USB1: variants seen among roughly 807,000 people sequenced by gnomAD.
The protein encoded by USB1 is U6 snRNA biogenesis phosphodiesterase 1.
In USB1, 21 loss-of-function variants were observed where a neutral mutation model predicts 29.9. That is an observed-to-expected ratio of 0.70 (90% CI 0.50 to 1.01). USB1 has a LOEUF of 1.01. Ranked by LOEUF, USB1 falls within the 50% of genes least tolerant of loss-of-function variation. The pLI, the probability that USB1 is intolerant of heterozygous loss-of-function variation, is 0.00. For missense variants in USB1, 330 were observed against 347.1 expected (o/e 0.95, Z 0.39); for synonymous variants, 143 against 134.9 (o/e 1.06, Z -0.42).
rs1452643875 is a variant in USB1, at chr16:58,017,324, C to G, written c.504-10C>G. ...TACATCTCATGCCTGCGTTGTCTTC[C>G]TCTCCCCAGGACCTTTATTGGGCTT... On this transcript the variant is annotated splice_polypyrimidine_tract_variant and intron_variant, in intron 4 of 6. Coordinates refer to ENST00000219281, the MANE Select transcript of USB1 (RefSeq NM_024598.4). 6.2e-7 allele frequency: 1 copy of G among 1,612,874 alleles called. No homozygotes were observed. The highest frequency in any genetic ancestry group is 2.2e-5 in the East Asian group (1 of 44,886).
Position 58,013,373 on chromosome 16 carries a change from C to G in USB1, c.450-900C>G. Reference sequence around the variant, plus strand: ...TCTCCAGAGGCAGAGAGTTGGCTGACTGACTTTTGCCCTTGGGCAGATTGT... The same window carrying G: ...TCTCCAGAGGCAGAGAGTTGGCTGAGTGACTTTTGCCCTTGGGCAGATTGT... On this transcript the variant is annotated intron_variant, in intron 3 of 6. Transcript: ENST00000219281. This position sits in a 1 kb window ranked among gnomAD's most constrained non-coding sequence, Gnocchi z 4.3. 1 of 985,512 alleles carries G rather than the reference C, an allele frequency of 1.0e-6. No individual in the cohort carries two copies. The allele number at this position is 985,512 out of a possible 1,614,324, so 61.0% of individuals were successfully genotyped here.
chr16:58,002,514 T>G lies in USB1; in HGVS notation c.134T>G (p.Val45Gly). The stretch of plus-strand genomic sequence containing the variant: ...CCCCTTCCCAGGCAGAGATTTCCAG[T>G]ACCTGACAGTGTGCTGAACATGTTC... ...QSPLPRQRFP[V>G]PDSVLNMFPG... The change falls in exon 2 of 7, where the codon GTA (valine) becomes GGA (glycine). Residue 45 changes from valine (V) to glycine (G), a missense_variant. Coordinates refer to ENST00000219281, the MANE Select transcript of USB1 (RefSeq NM_024598.4). 6.2e-7 allele frequency: 1 copy of G among 1,614,086 alleles called. No individual in the cohort carries two copies. The highest frequency in any genetic ancestry group is 8.5e-7 in the Non-Finnish European group (1 of 1,180,018).
intron 3 of USB1, chr16:58,012,620 GC>G: frequency 7.4e-7 from 1 of 1,357,058 alleles, no homozygotes; most frequent in Non-Finnish European, 9.5e-7. Context: ...AGGAATGACT[GC>G]CTGGTCTGAC....
intron 2 of USB1, among the ~76,000 whole-genome samples, 166 bp from the exon 3 acceptor site, chr16:58,009,763 A>G (rs1963446694): frequency 1.3e-5 from 2 of 151,756 alleles, no homozygotes; most frequent in South Asian, 4.1e-4. Context: ...AAATAAATAA[A>G]TGAAAATAAA....
At position 58,013,005 on chromosome 16, in the gene USB1, C is replaced by T. The variant is rs1393104797; in HGVS notation, c.450-1268C>T. 7 of 985,620 alleles carry T rather than the reference C, an allele frequency of 7.1e-6. No homozygotes were observed. The highest frequency in any genetic ancestry group is 1.2e-4 in the Admixed American group (2 of 16,286). 61.1% of individuals were successfully genotyped at this position (985,620 alleles called of 1,614,324 possible). ...AGCACCTGGACCCCTGGGCTGGTTC[C>T]CTCTGAGGAAAGGATCTGTGTCATG... On this transcript the variant is annotated intron_variant, in intron 3 of 6. Coordinates refer to ENST00000219281, the MANE Select transcript of USB1 (RefSeq NM_024598.4). This position sits in a 1 kb window ranked among gnomAD's most constrained non-coding sequence, Gnocchi z 4.3.
chr16:58,010,049 T>G lies in USB1; in HGVS notation c.386T>G (p.Leu129Arg). 1 of 1,614,190 alleles carries G rather than the reference T, an allele frequency of 6.2e-7. No individual in the cohort carries two copies. The highest frequency in any genetic ancestry group is 8.5e-7 in the Non-Finnish European group (1 of 1,180,024). ...FHLSLSQSVV[L>R]RHHWILPFVQ... Reference sequence around the variant, plus strand: ...CTCAGCCTGTCCCAGAGTGTGGTTCTGCGCCACCACTGGATCCTCCCCTTC... The same window carrying G: ...CTCAGCCTGTCCCAGAGTGTGGTTCGGCGCCACCACTGGATCCTCCCCTTC... The change falls in exon 3 of 7, where the codon CTG becomes CGG. Residue 129 changes from leucine (L) to arginine (R), a missense_variant. Physicochemically the swap from Leu to Arg is moderately radical, Grantham distance 102. Coordinates refer to ENST00000219281, the MANE Select transcript of USB1 (RefSeq NM_024598.4).
intron 4 of USB1, chr16:58,016,874 C>T (rs746064107): frequency 4.4e-5 from 9 of 203,666 alleles, no homozygotes; most frequent in East Asian, 1.1e-4. Flanking sequence ...GGGATGGGGA[C>T]GTGCTGAAAC....
chr16:57,999,614 T>C (rs1299700044), upstream of USB1: 2 of 152,274 alleles, frequency 1.3e-5, no homozygotes, highest in Admixed American at 1.3e-4. Flanking sequence ...AGTTTTCTCC[T>C]GAGCAGAGGA....
intron 3 of USB1, chr16:58,012,580 C>A (rs1369997312): frequency 9.3e-6 from 13 of 1,396,970 alleles, no homozygotes; most frequent in Non-Finnish European, 1.2e-5. Flanking sequence ...AAGACAGCCT[C>A]CCTCTCTGAT....
chr16:58,011,061 C>T, intron 3 of USB1: 2 of 796,936 alleles, frequency 2.5e-6, no homozygotes, highest in East Asian at 5.3e-5. Context: ...CAAAGATGCC[C>T]CTGTCACCCA....
At chr16:58,014,446 A>G (rs1230657511) in intron 4 of USB1, 120 bp downstream of exon 4, 6 of 851,644 alleles carry the variant, frequency 7.0e-6, no homozygotes, top group South Asian at 1.4e-5. Flanking sequence ...CTCTATGACT[A>G]TAAAGGCAGC....
At chr16:58,002,793 A>G (rs967447271) in intron 2 of USB1, 148 bp downstream of exon 2, 2 of 1,174,370 alleles carry the variant, frequency 1.7e-6, no homozygotes, top group African/African-American at 1.5e-5. Context: ...GAGAAAGAGC[A>G]GGTTTCAAGA....
Position 58,013,736 on chromosome 16 carries a change from C to T in USB1, c.450-537C>T. On this transcript the variant is annotated intron_variant, in intron 3 of 6. Transcript: ENST00000219281. This position sits in a 1 kb window ranked among gnomAD's most constrained non-coding sequence, Gnocchi z 4.3. ...TCCAATCCTGGCTCACCAAATTCAGCTTCACCATGCCTCTGTTTCTTTGTC... is the reference window on the plus strand; with the variant it reads ...TCCAATCCTGGCTCACCAAATTCAGTTTCACCATGCCTCTGTTTCTTTGTC... 2.0e-6 allele frequency: 1 copy of T among 504,272 alleles called. No homozygotes were observed. Among genetic ancestry groups the T allele is most frequent in the Non-Finnish European group, 2.6e-6 (1 of 388,206 alleles). 31.2% of individuals were successfully genotyped at this position (504,272 alleles called of 1,614,324 possible).
chr16:58,020,124 CT>C lies in USB1; in HGVS notation c.694-16del, dbSNP rs768771510. The stretch of plus-strand genomic sequence containing the variant: ...TGCCCCTTAATGTGACTGTCCTCCC[CT>C]GGCTGCTGTTTTAAGGCAATCGTGG... On this transcript the variant is annotated splice_polypyrimidine_tract_variant and intron_variant, in intron 6 of 6. Coordinates refer to ENST00000219281, the MANE Select transcript of USB1 (RefSeq NM_024598.4). The C allele has an allele frequency of 3.1e-6, 5 of 1,613,996 alleles. 1 individual carries two copies. In the South Asian group the frequency reaches 3.3e-5, roughly 11 times the overall value.
chr16:58,008,552 C>A (rs1406998581), intron 2 of USB1, among the ~76,000 whole-genome samples: 2 of 149,910 alleles, frequency 1.3e-5, no homozygotes, highest in Non-Finnish European at 3.0e-5. Flanking sequence ...CTCCCAGGTT[C>A]AAGTGGTTCT....
At chr16:58,007,398 C>T (rs532837250) in intron 2 of USB1, among the ~76,000 whole-genome samples, 97 of 151,712 alleles carry the variant, frequency 6.4e-4, no homozygotes, top group Admixed American at 9.8e-4. Flanking sequence ...GTTTGTTTTT[C>T]GGAGACAGAG....
intron 3 of USB1, chr16:58,012,259 C>A: frequency 1.3e-6 from 2 of 1,534,452 alleles, no homozygotes; most frequent in African/African-American, 1.4e-5. Context: ...AGCCCTCCCC[C>A]TCTTTGGATT....
chr16:58,017,472 C>A (rs754666154), intron 5 of USB1, 33 bp downstream of exon 5: 42 of 1,573,904 alleles, frequency 2.7e-5, no homozygotes, highest in South Asian at 2.3e-4. Context: ...CTCCATTGAC[C>A]CATTTCTAAT....
At chr16:58,010,795 C>A in intron 3 of USB1, 2 of 566,388 alleles carry the variant, frequency 3.5e-6, no homozygotes, top group South Asian at 2.2e-5. Context: ...AGCTTCTGAC[C>A]CTGTGGAGTT....
Sources: allele counts gnomAD v4.1 joint callset (sites outside exome capture counted in the v4.1 genomes callset), GRCh38; gene constraint gnomAD v4.1.1; non-coding constraint Gnocchi (gnomAD v3.1); transcripts MANE v1.5; gene names NCBI Gene and HGNC (gene_info 2026-07-23, HGNC 2026-07-21).